ABR: variants seen among roughly 807,000 people sequenced by gnomAD.
The protein encoded by ABR is ABR activator of RhoGEF and GTPase, also known as active breakpoint cluster region-related protein.
A neutral mutation model predicts 107.2 loss-of-function variants in ABR; 35 were observed. The ratio of observed to expected loss-of-function variants is 0.33; its 90% CI spans 0.25 to 0.43. The LOEUF (loss-of-function observed/expected upper bound fraction) is 0.43, where lower values mean the gene tolerates loss of function less well. ABR is among the 20% of genes least tolerant of loss of function. The pLI is 1.00. For missense variants in ABR, 815 were observed against 1,115.2 expected (o/e 0.73, Z 3.83); for synonymous variants, 498 against 462.0 (o/e 1.08, Z -1.00).
intron 1 of ABR, among the ~76,000 whole-genome samples, chr17:1,162,041 C>T (rs555186076): frequency 1.4e-4 from 22 of 152,288 alleles, no homozygotes; most frequent in East Asian, 7.7e-4. Flanking sequence ...TACATGGGGA[C>T]GCTGGGTTCG....
At chr17:1,173,309 C>CAACACATCA (rs1172400735) in intron 1 of ABR, among the ~76,000 whole-genome samples, 2 of 136,816 alleles carry the variant, frequency 1.5e-5, no homozygotes, top group African/African-American at 5.3e-5. Flanking sequence ...TCAGTCCACC[C>CAACACATCA]CCCCCATCAC....
At chr17:1,038,644 C>G (rs374308313) in intron 16 of ABR, among the ~76,000 whole-genome samples, 69 of 152,334 alleles carry the variant, frequency 4.5e-4, no homozygotes, top group African/African-American at 1.5e-3. Context: ...CCCAGCACCA[C>G]CAATGTCCAC....
intron 1 of ABR, among the ~76,000 whole-genome samples, chr17:1,193,391 A>T (rs1421222056): frequency 6.6e-6 from 1 of 152,052 alleles, no homozygotes; most frequent in Non-Finnish European, 1.5e-5. Flanking sequence ...CACCCTGTTA[A>T]GCACGTAACC....
chr17:1,031,534 G>GCC (rs1450964404), intron 16 of ABR: 4 of 147,362 alleles, frequency 2.7e-5, no homozygotes, highest in African/African-American at 1.4e-4. Context: ...AGCCCCCGCA[G>GCC]CCCCCCGAGC....
chr17:1,075,904 T>G (rs1445463214), intron 6 of ABR, among the ~76,000 whole-genome samples: 2 of 152,024 alleles, frequency 1.3e-5, no homozygotes, highest in African/African-American at 2.4e-5. Flanking sequence ...TAGCCAGGTG[T>G]GGTGGCAGGC....
rs551274441 is a variant in ABR, at chr17:1,229,402, G to A, written c.229C>T (p.Pro77Ser). Residue 77 changes from proline to serine, a missense_variant, in exon 1 of 23, where the codon CCC becomes TCC. Transcript: ENST00000574139. ...CGGGGAGACTCGGCCTCGGGGTCGG[G>A]GCGCCCGGGCTCCCCGGAGTCTCCG... Among the ~76,000 whole-genome samples the A allele has an allele frequency of 4.2e-4, 61 of 146,200 alleles. 2 individuals carry two copies. The South Asian group carries it at 0.011, about 26-fold the overall frequency.
rs1408793535 is a variant in ABR, at chr17:1,037,474, GT to G, written c.1791+12575del. The stretch of plus-strand genomic sequence containing the variant: ...TGCAGGAGAAGTGTCCCGACAGCCC[GT>G]CCCTGGCAAACCCTAGCGATTCTCA... On this transcript the variant is annotated intron_variant, in intron 16 of 22. Coordinates refer to ENST00000302538, the MANE Select transcript of ABR (RefSeq NM_021962.5). This position sits in a 1 kb window ranked among gnomAD's most constrained non-coding sequence, Gnocchi z 4.6. Among the ~76,000 whole-genome samples, 1 of 152,194 alleles carries G rather than the reference GT, an allele frequency of 6.6e-6. No individual in the cohort carries two copies. Among genetic ancestry groups the G allele is most frequent in the East Asian group, 1.9e-4 (1 of 5,200 alleles).
At chr17:1,141,761 ATTC>A (rs1172024168) in intron 1 of ABR, among the ~76,000 whole-genome samples, 2 of 145,454 alleles carry the variant, frequency 1.4e-5, no homozygotes, top group Non-Finnish European at 3.0e-5. Context: ...TACGACTTAA[ATTC>A]TTTTTTTTTT....
chr17:1,226,941 G>A (rs1332707242), intron 1 of ABR, among the ~76,000 whole-genome samples: 1 of 152,176 alleles, frequency 6.6e-6, no homozygotes, highest in Non-Finnish European at 1.5e-5. Context: ...GGAGGCTTTG[G>A]AGACAGAGGC....
At chr17:1,021,228 C>A (rs903815756) in intron 16 of ABR, among the ~76,000 whole-genome samples, 3 of 152,204 alleles carry the variant, frequency 2.0e-5, no homozygotes, top group African/African-American at 7.2e-5. Context: ...CAGGGGCTCA[C>A]TGGACGACGG....
At chr17:1,136,868 G>C (rs887730697) in intron 1 of ABR, among the ~76,000 whole-genome samples, 1 of 152,128 alleles carries the variant, frequency 6.6e-6, no homozygotes, top group Admixed American at 6.5e-5. Context: ...TATCATTCTT[G>C]TGTTCACTGG....
chr17:1,191,717 T>A (rs1449790271), upstream of ABR, among the ~76,000 whole-genome samples: 1 of 151,996 alleles, frequency 6.6e-6, no homozygotes. Flanking sequence ...TTGAAAGCAG[T>A]AGGGGTGTGG....
chr17:1,193,985 G>A (rs1472094053), intron 1 of ABR, among the ~76,000 whole-genome samples: 3 of 152,028 alleles, frequency 2.0e-5, no homozygotes, highest in East Asian at 1.9e-4. Context: ...TGAGCCCCGC[G>A]CCTGGCCACT....
At chr17:1,162,066 A>G (rs1450136689) in intron 1 of ABR, among the ~76,000 whole-genome samples, 1 of 152,170 alleles carries the variant, frequency 6.6e-6, no homozygotes, top group Non-Finnish European at 1.5e-5. Context: ...CAGGCTCTGC[A>G]ATGTTGCAAT....
Position 1,078,677 on chromosome 17 carries a change from G to T in ABR, c.700+653C>A. 2.2e-6 allele frequency: 2 copies of T among 900,330 alleles called. No homozygotes were observed. The highest frequency in any genetic ancestry group is 2.7e-5 in the East Asian group (1 of 37,172). 55.8% of individuals were successfully genotyped at this position (900,330 alleles called of 1,614,324 possible). A position where few individuals can be genotyped will look rare whatever the true frequency, so the allele number is the denominator to read the frequency against. On this transcript the variant is annotated intron_variant, in intron 6 of 22. Transcript: ENST00000302538. The surrounding 1 kb of genome is among the most constrained non-coding windows in gnomAD (Gnocchi z 7.5). ...TAGGCTGGATGCCGCCAAAACGAAG[G>T]GGGAATTCAGGTCCAGCCGCTCGCC...
In ABR at chr17:1,083,670, G is replaced by A. The variant is rs1459724729; in HGVS notation, c.532-43C>T. 4 of 1,436,340 alleles carry A rather than the reference G, an allele frequency of 2.8e-6. No homozygotes were observed. The East Asian group carries it at 6.8e-5, about 24-fold the overall frequency. 89.0% of individuals were successfully genotyped at this position (1,436,340 alleles called of 1,614,324 possible). On this transcript the variant is annotated intron_variant, in intron 4 of 22. Coordinates refer to ENST00000302538, the MANE Select transcript of ABR (RefSeq NM_021962.5). ...GGAACAGAGGGAGAGGAGGGTGGGAGGGGAGAGGATTAATGAATGGATGAA... is the reference window on the plus strand; with the variant it reads ...GGAACAGAGGGAGAGGAGGGTGGGAAGGGAGAGGATTAATGAATGGATGAA...
chr17:1,079,472 A>C, intron 5 of ABR, 82 bp from the exon 6 acceptor site: 1 of 1,329,038 alleles, frequency 7.5e-7, no homozygotes, highest in Non-Finnish European at 1.1e-6. Context: ...CAAGAAGGGG[A>C]GTTCTGAAAC....
intron 2 of ABR, among the ~76,000 whole-genome samples, chr17:1,123,940 C>T (rs563737813): frequency 1.4e-3 from 219 of 152,326 alleles, no homozygotes; most frequent in Non-Finnish European, 1.9e-3. Flanking sequence ...GTCAACAACA[C>T]ACTGACCAAC....
chr17:1,134,525 C>T (rs1217156262), intron 1 of ABR, among the ~76,000 whole-genome samples: 2 of 152,246 alleles, frequency 1.3e-5, no homozygotes, highest in Non-Finnish European at 2.9e-5. Context: ...ATTTCCTGCT[C>T]ATGGGAAATA....
Sources: allele counts gnomAD v4.1 joint callset (sites outside exome capture counted in the v4.1 genomes callset), GRCh38; gene constraint gnomAD v4.1.1; non-coding constraint Gnocchi (gnomAD v3.1); transcripts MANE v1.5; gene names NCBI Gene and HGNC (gene_info 2026-07-23, HGNC 2026-07-21).